The following RELB variants were observed in gnomAD, a reference collection of about 807,000 sequenced individuals.
RELB encodes transcription factor RelB.
RELB carries 14 observed loss-of-function variants against 55.4 expected under a neutral mutation model. The observed-to-expected ratio is 0.25, with a 90% CI of 0.17 to 0.40. RELB has a LOEUF of 0.40. Among genes scored for constraint, RELB ranks in the 10% least tolerant of loss-of-function variants. The pLI, the probability that RELB is intolerant of heterozygous loss-of-function variation, is 1.00. For missense variants in RELB, 669 were observed against 830.7 expected (o/e 0.81, Z 2.39); for synonymous variants, 409 against 371.3 (o/e 1.10, Z -1.17).
intron 4 of RELB, among the ~76,000 whole-genome samples, chr19:45,018,236 C>G (rs1971443980): frequency 6.6e-6 from 1 of 151,994 alleles, no homozygotes; most frequent in Non-Finnish European, 1.5e-5. Flanking sequence ...AACCCCGTCT[C>G]TACTAAAAAT....
intron 2 of RELB, among the ~76,000 whole-genome samples, chr19:45,003,928 T>TG (rs1200145286): frequency 1.6e-5 from 2 of 128,368 alleles, no homozygotes; most frequent in East Asian, 2.3e-4. Flanking sequence ...TTTTTTTTTT[T>TG]TTTTTTTTTT....
intron 5 of RELB, among the ~76,000 whole-genome samples, chr19:45,024,457 C>A (rs1001219423): frequency 6.6e-6 from 1 of 151,520 alleles, no homozygotes; most frequent in Admixed American, 6.6e-5. Flanking sequence ...CCACCACGCC[C>A]GGCCTGAAGT....
At position 45,037,774 on chromosome 19, in the gene RELB, G is replaced by C; in HGVS notation, c.1724G>C (p.Gly575Ala). ...TTTGGGGGCGGCCTCCTATCCCCGG[G>C]GCCTGAAGCCACGTAGCCCCGCGAT... ...AAFGGGLLSP[G>A]PEAT Residue 575 changes from glycine (G) to alanine (A), a missense_variant, in exon 12 of 12, where the codon GGG becomes GCG. By Grantham distance (60) the Gly-to-Ala change is moderately conservative. This residue lies in a region of RELB where 341 missense variants were observed against 436.8 expected (regional missense o/e 0.78). Transcript: ENST00000221452. 1 of 1,486,074 alleles carries C rather than the reference G, an allele frequency of 6.7e-7. No individual in the cohort carries two copies. Among genetic ancestry groups the C allele is most frequent in the South Asian group, 1.4e-5 (1 of 72,752 alleles). The allele number at this position is 1,486,074 out of a possible 1,614,324, so 92.1% of individuals were successfully genotyped here.
intron 4 of RELB, among the ~76,000 whole-genome samples, chr19:45,017,468 T>G (rs1971434353): frequency 1.7e-5 from 1 of 59,626 alleles, no homozygotes; most frequent in African/African-American, 1.0e-4. Flanking sequence ...AAAAAACAAT[T>G]CTGGAAATCC....
intron 8 of RELB, among the ~76,000 whole-genome samples, chr19:45,030,185 A>G (rs7246308): frequency 0.012 from 1,843 of 151,628 alleles, 42 homozygotes; most frequent in African/African-American, 0.042. Flanking sequence ...AAAACCAAAA[A>G]CAAACCGGCT....
At chr19:45,012,553 G>C (rs1277685564) in intron 4 of RELB, among the ~76,000 whole-genome samples, 15 of 152,006 alleles carry the variant, frequency 9.9e-5, no homozygotes, top group Non-Finnish European at 1.9e-4. Flanking sequence ...AGACCAGCCT[G>C]GCCAACATGG....
chr19:45,031,075 TG>T (rs1241614748), intron 8 of RELB, among the ~76,000 whole-genome samples: 1 of 152,138 alleles, frequency 6.6e-6, no homozygotes, highest in Non-Finnish European at 1.5e-5. Flanking sequence ...TCTCAGTACA[TG>T]GAGGTACTGT....
rs1424915564 is a variant in RELB, at chr19:45,037,770, C to T, written c.1720C>T (p.Pro574Ser). The change falls in exon 12 of 12, where the codon CCG becomes TCG. Residue 574 changes from proline to serine, a missense_variant. Transcript: ENST00000221452. ...GGCCTTTGGGGGCGGCCTCCTATCC[C>T]CGGGGCCTGAAGCCACGTAGCCCCG... ...EAAFGGGLLS[P>S]GPEAT 12 of 1,486,870 alleles carry T rather than the reference C, an allele frequency of 8.1e-6. No homozygotes were observed. The highest frequency in any genetic ancestry group is 1.4e-5 in the African/African-American group (1 of 69,222). The allele number at this position is 1,486,870 out of a possible 1,614,324, so 92.1% of individuals were successfully genotyped here.
intron 11 of RELB, among the ~76,000 whole-genome samples, chr19:45,036,596 A>G (rs535774573): frequency 6.6e-6 from 1 of 152,140 alleles, no homozygotes; most frequent in South Asian, 2.1e-4. Flanking sequence ...AACTCTCCAC[A>G]GCTGTGTAGG....
intron 11 of RELB, among the ~76,000 whole-genome samples, chr19:45,035,820 G>A (rs1018252610): frequency 7.9e-5 from 12 of 152,104 alleles, no homozygotes; most frequent in Middle Eastern, 3.2e-3. Context: ...GCAAGACTCC[G>A]TCTCAAAAAC....
Position 45,034,452 on chromosome 19 carries a change from C to T in RELB, c.1278C>T (p.Asp426=), listed in dbSNP as rs766143635. The change falls in exon 11 of 12, where the codon GAC becomes GAT. Residue 426 remains aspartate (D), a splice_region_variant and synonymous_variant. Coordinates refer to ENST00000221452, the MANE Select transcript of RELB (RefSeq NM_006509.4). ...PDVLGELNSS[D]PHGIESKRRK... ...GTCCTCATCTCTGCCTTCCCTCAGA[C>T]CCCCATGGCATCGAGAGCAAACGGC... The T allele has an allele frequency of 6.2e-7, 1 of 1,612,196 alleles. No individual in the cohort carries two copies. Among genetic ancestry groups the T allele is most frequent in the Non-Finnish European group, 8.5e-7 (1 of 1,179,114 alleles).
intron 9 of RELB, among the ~76,000 whole-genome samples, chr19:45,033,368 G>C (rs1212675617): frequency 6.6e-6 from 1 of 152,066 alleles, no homozygotes; most frequent in Non-Finnish European, 1.5e-5. Context: ...ATTGTGCCTG[G>C]GGTGCTCCAG....
chr19:45,007,497 T>C (rs1289457224), intron 2 of RELB, among the ~76,000 whole-genome samples: 1 of 152,174 alleles, frequency 6.6e-6, no homozygotes, highest in African/African-American at 2.4e-5. Context: ...TGCCCAAGGC[T>C]GCACAGCCAG....
At chr19:45,019,990 C>G (rs1319327202) in intron 4 of RELB, among the ~76,000 whole-genome samples, 1 of 151,926 alleles carries the variant, frequency 6.6e-6, no homozygotes, top group Non-Finnish European at 1.5e-5. Flanking sequence ...AACTCCCGAC[C>G]TCAGGTGATC....
In RELB at chr19:45,038,119, T is replaced by G; in HGVS notation, c.*329T>G. 3.8e-6 allele frequency: 1 copy of G among 263,068 alleles called. No homozygotes were observed. Among genetic ancestry groups the G allele is most frequent in the Non-Finnish European group, 7.1e-6 (1 of 140,036 alleles). 16.3% of individuals were successfully genotyped at this position (263,068 alleles called of 1,614,324 possible). The stretch of plus-strand genomic sequence containing the variant: ...GGAGGAGGGGGCAGATTCCTGGCCC[T>G]CCCTCCCCAGACTTGAAGGTGGGGG... On this transcript the variant is annotated 3_prime_UTR_variant, in exon 12 of 12. Transcript: ENST00000221452.
chr19:45,017,725 G>A (rs1295423878), intron 4 of RELB, among the ~76,000 whole-genome samples: 1 of 148,174 alleles, frequency 6.7e-6, no homozygotes, highest in Admixed American at 6.7e-5. Context: ...GCAATGGTGC[G>A]ATCTCTGCCT....
intron 5 of RELB, among the ~76,000 whole-genome samples, chr19:45,023,743 T>A (rs914703179): frequency 3.3e-5 from 3 of 90,950 alleles, no homozygotes; most frequent in Non-Finnish European, 6.6e-5. Context: ...CCAGCCTCTT[T>A]TTTTTTTTTT....
intron 8 of RELB, 55 bp downstream of exon 8, chr19:45,029,047 G>A: frequency 1.6e-6 from 2 of 1,217,270 alleles, no homozygotes; most frequent in Non-Finnish European, 2.4e-6. Flanking sequence ...AACTTGGAGG[G>A]GTAGCCAGGG....
At chr19:45,001,968 G>A (rs1266670304) in intron 1 of RELB, among the ~76,000 whole-genome samples, 1 of 151,780 alleles carries the variant, frequency 6.6e-6, no homozygotes, top group Non-Finnish European at 1.5e-5. Context: ...AGAAGGCGGA[G>A]CGAAAGCTGC....
Sources: allele counts gnomAD v4.1 joint callset (sites outside exome capture counted in the v4.1 genomes callset), GRCh38; gene constraint gnomAD v4.1.1; regional missense constraint gnomAD v4.1.1; transcripts MANE v1.5; gene names NCBI Gene and HGNC (gene_info 2026-07-23, HGNC 2026-07-21).